ZNF440: variants seen among roughly 807,000 people sequenced by gnomAD.
The protein encoded by ZNF440 is zinc finger protein 440.
A neutral mutation model predicts 49.7 loss-of-function variants in ZNF440; 47 were observed. That is an observed-to-expected ratio of 0.95 (90% CI 0.75 to 1.21). The LOEUF (loss-of-function observed/expected upper bound fraction) is 1.21, where lower values mean the gene tolerates loss of function less well. ZNF440 is among the 50% of genes most tolerant of loss of function. The pLI, the probability that ZNF440 is intolerant of heterozygous loss-of-function variation, is 0.00. For synonymous variants in ZNF440, 255 were observed against 237.7 expected (o/e 1.07, Z -0.67); for missense variants, 703 against 715.0 (o/e 0.98, Z 0.19).
intron 1 of ZNF440, among the ~76,000 whole-genome samples, chr19:11,827,412 T>A (rs1975881059): frequency 6.6e-6 from 1 of 152,158 alleles, no homozygotes; most frequent in South Asian, 2.1e-4. Context: ...ATTTTAGGAG[T>A]TCTTCATACC....
rs770269251 is a variant in ZNF440, at chr19:11,832,024, C to T, written c.848C>T (p.Ala283Val). Residue 283 changes from alanine to valine, a missense_variant, in exon 4 of 4, where the codon GCT becomes GTT. Coordinates refer to ENST00000304060, the MANE Select transcript of ZNF440 (RefSeq NM_152357.3). ...RHERIHMGEK[A>V]YQCKECGKAF... ...GAAAGGATTCACATGGGAGAAAAGG[C>T]TTATCAATGTAAGGAATGTGGAAAA... 1 of 1,614,092 alleles carries T rather than the reference C, an allele frequency of 6.2e-7. No individual in the cohort carries two copies. The highest frequency in any genetic ancestry group is 1.1e-5 in the South Asian group (1 of 91,074).
Position 11,832,030 on chromosome 19 carries a change from A to C in ZNF440, c.854A>C (p.Gln285Pro), listed in dbSNP as rs200740915. 42 of 1,614,028 alleles carry C rather than the reference A, an allele frequency of 2.6e-5. No individual in the cohort carries two copies. The African/African-American group carries it at 5.5e-4, about 21-fold the overall frequency. Reference protein sequence around the residue: ...ERIHMGEKAYQCKECGKAFTC... With the variant: ...ERIHMGEKAYPCKECGKAFTC... ...ATTCACATGGGAGAAAAGGCTTATC[A>C]ATGTAAGGAATGTGGAAAAGCATTC... is the stretch of plus-strand genomic sequence containing the variant. The change falls in exon 4 of 4, where the codon CAA becomes CCA. Residue 285 changes from glutamine (Q) to proline (P), a missense_variant. By Grantham distance (76) the Gln-to-Pro change is moderately conservative. Transcript: ENST00000304060.
intron 1 of ZNF440, among the ~76,000 whole-genome samples, chr19:11,824,832 C>T (rs904795819): frequency 5.9e-5 from 9 of 151,732 alleles, no homozygotes; most frequent in African/African-American, 1.2e-4. Context: ...CTCAGCCTCC[C>T]GAGTAGCTGG....
intron 1 of ZNF440, among the ~76,000 whole-genome samples, chr19:11,815,487 TA>T (rs1474127542): frequency 2.0e-5 from 3 of 152,144 alleles, no homozygotes; most frequent in Non-Finnish European, 4.4e-5. Context: ...AAGAACAGCT[TA>T]CTAAAGCTTT....
chr19:11,815,480 A>G (rs900771505), intron 1 of ZNF440, among the ~76,000 whole-genome samples: 6 of 152,184 alleles, frequency 3.9e-5, no homozygotes, highest in African/African-American at 1.4e-4. Context: ...AGAAACAAAG[A>G]ACAGCTTACT....
In ZNF440 at chr19:11,831,829, A is replaced by G. The variant is rs569341516; in HGVS notation, c.653A>G (p.His218Arg). 10 of 1,609,256 alleles carry G rather than the reference A, an allele frequency of 6.2e-6. No homozygotes were observed. The highest frequency in any genetic ancestry group is 4.0e-5 in the African/African-American group (3 of 74,890). The change falls in exon 4 of 4, where the codon CAT becomes CGT. Residue 218 changes from histidine to arginine, a missense_variant. By Grantham distance (29) the His-to-Arg change is conservative. Coordinates refer to ENST00000304060, the MANE Select transcript of ZNF440 (RefSeq NM_152357.3). ...AFHCLRLYLIHERIHTGEKPC... is the reference protein window; with the variant it reads ...AFHCLRLYLIRERIHTGEKPC... ...CATTGTCTCAGATTATATCTTATCCATGAAAGAATTCACACTGGAGAGAAA... is the reference window on the plus strand; with the variant it reads ...CATTGTCTCAGATTATATCTTATCCGTGAAAGAATTCACACTGGAGAGAAA...
At chr19:11,820,932 G>C (rs1187092961) in intron 1 of ZNF440, among the ~76,000 whole-genome samples, 1 of 152,138 alleles carries the variant, frequency 6.6e-6, no homozygotes, top group East Asian at 1.9e-4. Flanking sequence ...AAATATACAT[G>C]GGGGTACACA....
At chr19:11,825,801 T>TTTC (rs60267987) in intron 1 of ZNF440, among the ~76,000 whole-genome samples, 1 of 58,608 alleles carries the variant, frequency 1.7e-5, no homozygotes, top group African/African-American at 9.8e-5. Context: ...CTTTTTTTTT[T>TTTC]CTTTTCTTTT....
Position 11,831,966 on chromosome 19 carries a change from G to A in ZNF440, c.790G>A (p.Ala264Thr). ...KPYEYQECGK[A>T]FHSPRSYRRH... ...TTATGAATATCAGGAGTGTGGGAAAGCATTTCATAGTCCCAGATCCTATCG... is the reference window on the plus strand; with the variant it reads ...TTATGAATATCAGGAGTGTGGGAAAACATTTCATAGTCCCAGATCCTATCG... The change falls in exon 4 of 4, where the codon GCA becomes ACA. Residue 264 changes from alanine (A) to threonine (T), a missense_variant. Ala to Thr is a moderately conservative substitution (Grantham distance 58, BLOSUM62 0). Coordinates refer to ENST00000304060, the MANE Select transcript of ZNF440 (RefSeq NM_152357.3). 1 of 1,613,986 alleles carries A rather than the reference G, an allele frequency of 6.2e-7. No individual in the cohort carries two copies. The highest frequency in any genetic ancestry group is 8.5e-7 in the Non-Finnish European group (1 of 1,179,916).
chr19:11,821,585 CAG>C (rs764492019), intron 1 of ZNF440, among the ~76,000 whole-genome samples: 6 of 151,890 alleles, frequency 4.0e-5, no homozygotes, highest in African/African-American at 7.3e-5. Context: ...AGGGGGCACA[CAG>C]GGGGGTATAG....
chr19:11,825,042 G>T (rs1185199148), intron 1 of ZNF440, among the ~76,000 whole-genome samples: 2 of 151,846 alleles, frequency 1.3e-5, no homozygotes, highest in African/African-American at 2.4e-5. Context: ...GACTGGCCAG[G>T]TGCTGAGCCT....
intron 1 of ZNF440, among the ~76,000 whole-genome samples, chr19:11,824,114 T>A (rs1975832060): frequency 6.9e-6 from 1 of 144,780 alleles, no homozygotes; most frequent in South Asian, 2.2e-4. Flanking sequence ...GCCTAAGAGT[T>A]CGAGGCTGCA....
chr19:11,825,027 A>G (rs1599292781), intron 1 of ZNF440, among the ~76,000 whole-genome samples: 1 of 151,938 alleles, frequency 6.6e-6, no homozygotes. Context: ...TATTCTAAAC[A>G]TCTTGACTGG....
rs1173942284 is a variant in ZNF440 at position 11,830,339 on chromosome 19, G to A, written c.60G>A (p.Leu20=). The A allele has an allele frequency of 1.2e-6, 2 of 1,614,174 alleles. No homozygotes were observed. The highest frequency in any genetic ancestry group is 1.7e-6 in the Non-Finnish European group (2 of 1,180,034). ...AVNFTQEEWA[L]LDISQRKLYR... is the part of the protein sequence containing the mutation. Reference sequence around the variant, plus strand: ...ACTTCACCCAGGAGGAGTGGGCTTTGCTGGATATTTCCCAGAGGAAACTCT... The same window carrying A: ...ACTTCACCCAGGAGGAGTGGGCTTTACTGGATATTTCCCAGAGGAAACTCT... Residue 20 remains leucine, a synonymous_variant, in exon 2 of 4, where the codon TTG becomes TTA. Transcript: ENST00000304060.
chr19:11,820,926 A>G (rs572344333), intron 1 of ZNF440, among the ~76,000 whole-genome samples: 1 of 152,292 alleles, frequency 6.6e-6, no homozygotes, highest in Admixed American at 6.5e-5. Flanking sequence ...AAAGCAAAAT[A>G]TACATGGGGG....
intron 1 of ZNF440, among the ~76,000 whole-genome samples, chr19:11,818,229 C>CA (rs1300914012): frequency 1.3e-4 from 19 of 151,808 alleles, no homozygotes; most frequent in South Asian, 2.1e-4. Context: ...ACGAAACAAA[C>CA]AAAAAAAACT....
chr19:11,829,617 A>T (rs1272932737), intron 1 of ZNF440, among the ~76,000 whole-genome samples: 1 of 152,106 alleles, frequency 6.6e-6, no homozygotes, highest in Non-Finnish European at 1.5e-5. Context: ...GGGTTCGGTA[A>T]ATACATTTCC....
At position 11,832,792 on chromosome 19, in the gene ZNF440, A is replaced by G; in HGVS notation, c.1616A>G (p.Lys539Arg). ...SFECMVGLTL[K>R]RNPMSVSNDG... ...GAATGCATGGTAGGACTCACCCTGA[A>G]GAGAAACCCTATGAGTGTGAGCAAT... The change falls in exon 4 of 4, where the codon AAG (lysine) becomes AGG (arginine). Residue 539 changes from lysine to arginine, a missense_variant. Transcript: ENST00000304060. 1 of 1,613,740 alleles carries G rather than the reference A, an allele frequency of 6.2e-7. No homozygotes were observed. Among genetic ancestry groups the G allele is most frequent in the Non-Finnish European group, 8.5e-7 (1 of 1,179,862 alleles).
At chr19:11,815,284 T>TCACACACACA (rs3223082) in intron 1 of ZNF440, among the ~76,000 whole-genome samples, 4,555 of 120,988 alleles carry the variant, frequency 0.038, 144 homozygotes, top group African/African-American at 0.048. Context: ...GGCAACTCCG[T>TCACACACACA]CACACACACA....
Sources: gnomAD v4.1 joint callset for allele counts (sites outside exome capture counted in the v4.1 genomes callset) on GRCh38, gnomAD v4.1.1 for gene constraint, MANE v1.5 for transcripts, NCBI Gene and HGNC (gene_info 2026-07-23, HGNC 2026-07-21) for gene names.